CCR9: variants seen among roughly 807,000 people sequenced by gnomAD.
CCR9 encodes C-C chemokine receptor type 9.
A neutral mutation model predicts 8.7 loss-of-function variants in CCR9; 4 were observed. The ratio of observed to expected loss-of-function variants is 0.46; its 90% CI spans 0.23 to 1.06. The LOEUF is 1.06. Ranked by LOEUF, CCR9 falls within the 50% of genes least tolerant of loss-of-function variation. The pLI, the probability that CCR9 is intolerant of heterozygous loss-of-function variation, is 0.21. For missense variants in CCR9, 394 were observed against 453.6 expected (o/e 0.87, Z 1.19); for synonymous variants, 159 against 168.8 (o/e 0.94, Z 0.45).
intron 1 of CCR9, among the ~76,000 whole-genome samples, chr3:45,892,067 G>A (rs1441050014): frequency 6.6e-6 from 1 of 152,072 alleles, no homozygotes; most frequent in African/African-American, 2.4e-5. Context: ...GCTGTTTAGT[G>A]GAGAAAGATA....
At chr3:45,889,474 C>A (rs1470649284) in intron 1 of CCR9, among the ~76,000 whole-genome samples, 1 of 152,034 alleles carries the variant, frequency 6.6e-6, no homozygotes, top group Non-Finnish European at 1.5e-5. Context: ...AACGTTAGAG[C>A]ATTGGGCTTC....
At chr3:45,891,439 C>A (rs936917318) in intron 1 of CCR9, among the ~76,000 whole-genome samples, 1 of 152,164 alleles carries the variant, frequency 6.6e-6, no homozygotes, top group Non-Finnish European at 1.5e-5. Context: ...CTCCTTCTCT[C>A]TATATACATA....
At chr3:45,889,824 T>C (rs568971888) in intron 1 of CCR9, among the ~76,000 whole-genome samples, 1 of 152,206 alleles carries the variant, frequency 6.6e-6, no homozygotes, top group South Asian at 2.1e-4. Context: ...TGGATTGATG[T>C]GTCATAATAT....
rs1475948592 is a variant in CCR9, at chr3:45,901,762, G to A, written c.974G>A (p.Arg325His). ...VLYVFVGERF[R>H]RDLVKTLKNL... ...TATGTTTTTGTGGGTGAGAGATTCC[G>A]CCGGGATCTCGTGAAAACCCTGAAG... The change falls in exon 3 of 3, where the codon CGC becomes CAC. Residue 325 changes from arginine (R) to histidine (H), a missense_variant. By Grantham distance (29) the Arg-to-His change is conservative. Transcript: ENST00000357632. The surrounding 1 kb of genome is among the most constrained non-coding windows in gnomAD (Gnocchi z 4.3). 46 of 1,614,052 alleles carry A rather than the reference G, an allele frequency of 2.8e-5. No individual in the cohort carries two copies. The highest frequency in any genetic ancestry group is 1.6e-4 in the Middle Eastern group (1 of 6,084).
intron 2 of CCR9, chr3:45,897,637 G>A (rs941810672): frequency 1.3e-6 from 2 of 1,530,076 alleles, no homozygotes; most frequent in African/African-American, 1.4e-5. Context: ...CTTAGCCCAG[G>A]ACTAACACAG....
At chr3:45,896,147 C>T (rs147460170) in intron 2 of CCR9, among the ~76,000 whole-genome samples, 10 of 152,356 alleles carry the variant, frequency 6.6e-5, no homozygotes, top group African/African-American at 2.2e-4. Flanking sequence ...AAAAAGTAGA[C>T]TCTTCAGTTT....
At position 45,901,973 on chromosome 3, in the gene CCR9, CA is replaced by C; in HGVS notation, c.*76del. ...GAAACAGTTTCCCCACTGATGGGAC[CA>C]GAGAGAGTGAAAGAGAAAAGAAAAC... On this transcript the variant is annotated 3_prime_UTR_variant, in exon 3 of 3. Coordinates refer to ENST00000357632, the MANE Select transcript of CCR9 (RefSeq NM_031200.3). This position sits in a 1 kb window ranked among gnomAD's most constrained non-coding sequence, Gnocchi z 4.3. 2.5e-6 allele frequency: 3 copies of C among 1,212,272 alleles called. No homozygotes were observed. The highest frequency in any genetic ancestry group is 3.5e-6 in the Non-Finnish European group (3 of 863,094). The allele number at this position is 1,212,272 out of a possible 1,614,324, so 75.1% of individuals were successfully genotyped here.
intron 1 of CCR9, among the ~76,000 whole-genome samples, chr3:45,889,319 A>G (rs1702075021): frequency 6.6e-6 from 1 of 152,094 alleles, no homozygotes; most frequent in Non-Finnish European, 1.5e-5. Context: ...AAAAAAATAA[A>G]GAGAAACCTT....
chr3:45,893,378 C>T lies in CCR9; in HGVS notation c.-28-1528C>T, dbSNP rs566196420. On this transcript the variant is annotated intron_variant, in intron 1 of 2. Coordinates refer to ENST00000357632, the MANE Select transcript of CCR9 (RefSeq NM_031200.3). ...CCATGTTGGCCAGACTGGTCTCGAA[C>T]TCCCAACCTCAGGTGATCTACCCAC... is the stretch of plus-strand genomic sequence containing the variant. Among the ~76,000 whole-genome samples, 138 of 152,282 alleles carry T rather than the reference C, an allele frequency of 9.1e-4. 1 individual carries two copies. Among genetic ancestry groups the T allele is most frequent in the African/African-American group, 3.3e-3 (136 of 41,550 alleles).
Position 45,902,527 on chromosome 3 carries a change from C to T in CCR9, c.*629C>T, listed in dbSNP as rs2125764540. On this transcript the variant is annotated 3_prime_UTR_variant, in exon 3 of 3. Transcript: ENST00000357632. Reference sequence around the variant, plus strand: ...ATCTGCAGGTCTTGCCAGTGAACCCCTGGACAACTGACCACACCCACAAGG... The same window carrying T: ...ATCTGCAGGTCTTGCCAGTGAACCCTTGGACAACTGACCACACCCACAAGG... 1 of 167,306 alleles carries T rather than the reference C, an allele frequency of 6.0e-6. No homozygotes were observed. The highest frequency in any genetic ancestry group is 6.5e-5 in the Admixed American group (1 of 15,302). The allele number at this position is 167,306 out of a possible 1,614,324, so 10.4% of individuals were successfully genotyped here.
intron 1 of CCR9, among the ~76,000 whole-genome samples, chr3:45,890,649 C>T (rs774808632): frequency 5.9e-5 from 9 of 151,858 alleles, no homozygotes; most frequent in Non-Finnish European, 1.2e-4. Flanking sequence ...ATGTCAGAAC[C>T]GTTCAGAAAT....
At chr3:45,890,107 A>G (rs887780298) in intron 1 of CCR9, among the ~76,000 whole-genome samples, 3 of 149,368 alleles carry the variant, frequency 2.0e-5, no homozygotes, top group Non-Finnish European at 4.4e-5. Context: ...GCTATTTCCA[A>G]TCTGAAACTT....
chr3:45,894,542 G>C (rs757830608), intron 1 of CCR9, among the ~76,000 whole-genome samples: 12 of 152,186 alleles, frequency 7.9e-5, no homozygotes, highest in Admixed American at 1.3e-4. Flanking sequence ...CTGAATCAAG[G>C]GAAAGGGAGC....
chr3:45,895,965 G>A (rs1193559009), intron 2 of CCR9, among the ~76,000 whole-genome samples: 1 of 152,148 alleles, frequency 6.6e-6, no homozygotes, highest in African/African-American at 2.4e-5. Context: ...AGTACATTGT[G>A]GGTTTCCATG....
intron 2 of CCR9, 51 bp downstream of exon 2, chr3:45,895,005 C>T: frequency 6.4e-7 from 1 of 1,574,614 alleles, no homozygotes; most frequent in Non-Finnish European, 8.7e-7. Context: ...CTCATCTTCC[C>T]TTTTTAGGGG....
intron 1 of CCR9, among the ~76,000 whole-genome samples, chr3:45,888,545 C>T (rs758189203): frequency 2.0e-5 from 3 of 152,146 alleles, no homozygotes; most frequent in Non-Finnish European, 4.4e-5. Flanking sequence ...TAAGTGGGTT[C>T]GATGGATGGC....
chr3:45,892,972 T>G (rs1205311045), intron 1 of CCR9, among the ~76,000 whole-genome samples: 1 of 152,182 alleles, frequency 6.6e-6, no homozygotes, highest in African/African-American at 2.4e-5. Flanking sequence ...TTGAACAGCT[T>G]TATTGAGGTC....
chr3:45,891,940 G>A (rs1702191210), intron 1 of CCR9, among the ~76,000 whole-genome samples: 1 of 152,134 alleles, frequency 6.6e-6, no homozygotes, highest in African/African-American at 2.4e-5. Context: ...CAACTCTTTA[G>A]GACAAATGTG....
At chr3:45,899,015 A>G (rs911867282) in intron 2 of CCR9, among the ~76,000 whole-genome samples, 1 of 151,956 alleles carries the variant, frequency 6.6e-6, no homozygotes, top group Non-Finnish European at 1.5e-5. Flanking sequence ...AAAATACAAA[A>G]ATTAGCCAGG....
Sources: gnomAD v4.1 joint callset for allele counts (sites outside exome capture counted in the v4.1 genomes callset) on GRCh38, gnomAD v4.1.1 for gene constraint, Gnocchi (gnomAD v3.1) non-coding constraint, MANE v1.5 for transcripts, NCBI Gene and HGNC (gene_info 2026-07-23, HGNC 2026-07-21) for gene names.